Variants in PCDH15 observed in about 807,000 individuals in gnomAD.
The protein encoded by PCDH15 is protocadherin related 15.
A neutral mutation model predicts 178.5 loss-of-function variants in PCDH15; 129 were observed. That is an observed-to-expected ratio of 0.72 (90% CI 0.63 to 0.84). The LOEUF (loss-of-function observed/expected upper bound fraction) is 0.84, where lower values mean the gene tolerates loss of function less well. Ranked by LOEUF, PCDH15 falls within the 40% of genes least tolerant of loss-of-function variation. The probability of loss-of-function intolerance (pLI) is 0.00; values close to 1 mark genes in which losing one functional copy is unlikely to be tolerated. For missense variants in PCDH15, 2,230 were observed against 2,099.9 expected, an observed-to-expected ratio of 1.06 and a Z score of -1.21; for synonymous variants, 800 against 732.0, an observed-to-expected ratio of 1.09 and a Z score of -1.50.
intron 1 of PCDH15, among the ~76,000 whole-genome samples, chr10:55,235,046 A>C (rs970163605): frequency 6.6e-5 from 10 of 151,934 alleles, no homozygotes; most frequent in Non-Finnish European, 1.5e-4. Context: ...TACCACCTCA[A>C]TATAAAAGTC....
intron 21 of PCDH15, among the ~76,000 whole-genome samples, chr10:53,983,232 T>TTGTG (rs753844738): frequency 3.4e-5 from 5 of 149,156 alleles, no homozygotes; most frequent in African/African-American, 4.9e-5. Context: ...GTGTGTGTGT[T>TTGTG]TGTGTGTGTG....
intron 1 of PCDH15, among the ~76,000 whole-genome samples, chr10:55,210,582 ATTTGGC>A (rs1218302551): frequency 9.0e-6 from 1 of 110,636 alleles, no homozygotes; most frequent in Non-Finnish European, 1.9e-5. Context: ...AGCTAATTGA[ATTTGGC>A]TCTCACGATT....
At position 53,806,350 on chromosome 10, in the gene PCDH15, C is replaced by T. The variant is rs974421099; in HGVS notation, c.*229G>A. 61 of 440,944 alleles carry T rather than the reference C, an allele frequency of 1.4e-4. No homozygotes were observed. The highest frequency in any genetic ancestry group is 6.2e-4 in the Middle Eastern group (1 of 1,620). 27.3% of individuals were successfully genotyped at this position (440,944 alleles called of 1,614,324 possible). Reference sequence around the variant, plus strand: ...CCAACAAAACAGCTAAATGTTTAAACGATAGGTTATTTAGTGAAAGTATGT... The same window carrying T: ...CCAACAAAACAGCTAAATGTTTAAATGATAGGTTATTTAGTGAAAGTATGT... On this transcript the variant is annotated 3_prime_UTR_variant, in exon 38 of 38. Transcript: ENST00000644397.
chr10:55,245,099 CA>C (rs1383153556), intron 1 of PCDH15, among the ~76,000 whole-genome samples: 2 of 151,954 alleles, frequency 1.3e-5, no homozygotes, highest in Non-Finnish European at 2.9e-5. Context: ...GTTTAAAACA[CA>C]AAGCTGGTAG....
At chr10:55,498,803 G>A (rs997320346) in intron 2 of PCDH15, among the ~76,000 whole-genome samples, 2 of 151,796 alleles carry the variant, frequency 1.3e-5, no homozygotes, top group African/African-American at 4.8e-5. Flanking sequence ...GGCCTCATGA[G>A]TTTGGATAGG....
intron 2 of PCDH15, among the ~76,000 whole-genome samples, chr10:55,000,071 A>C (rs1234489113): frequency 1.3e-5 from 2 of 152,182 alleles, no homozygotes; most frequent in African/African-American, 4.8e-5. Flanking sequence ...AGTTTCGGGC[A>C]TGCATTGTCA....
At chr10:54,946,693 C>G (rs941718188) in intron 2 of PCDH15, among the ~76,000 whole-genome samples, 2 of 151,698 alleles carry the variant, frequency 1.3e-5, no homozygotes, top group African/African-American at 4.8e-5. Context: ...TGCAATGTAC[C>G]TTTAAATCAT....
intron 1 of PCDH15, among the ~76,000 whole-genome samples, chr10:54,710,757 T>C (rs531277291): frequency 5.3e-4 from 81 of 152,058 alleles, no homozygotes; most frequent in African/African-American, 1.8e-3. Flanking sequence ...ATACATAGAG[T>C]GAAAAGTTGT....
At chr10:55,486,857 C>A (rs1589073353) in intron 2 of PCDH15, among the ~76,000 whole-genome samples, 1 of 151,574 alleles carries the variant, frequency 6.6e-6, no homozygotes, top group South Asian at 2.1e-4. Flanking sequence ...GAGGCCTCTT[C>A]TCACTGCTCA....
At chr10:54,791,136 G>A (rs1951369174) in intron 1 of PCDH15, among the ~76,000 whole-genome samples, 2 of 151,646 alleles carry the variant, frequency 1.3e-5, no homozygotes, top group Admixed American at 1.3e-4. Flanking sequence ...CTGTCTTTTT[G>A]GAATCATTAA....
chr10:54,719,142 T>C (rs1305072292), intron 1 of PCDH15, among the ~76,000 whole-genome samples: 2 of 74,500 alleles, frequency 2.7e-5, no homozygotes, highest in African/African-American at 7.7e-5. Flanking sequence ...CAATTCAGAA[T>C]ATTAAAAAAG....
intron 1 of PCDH15, among the ~76,000 whole-genome samples, chr10:55,286,893 C>CTTACT (rs1189737798): frequency 1.3e-5 from 2 of 151,890 alleles, no homozygotes; most frequent in Non-Finnish European, 2.9e-5. Context: ...AGTTAATGGA[C>CTTACT]TTACTATTTT....
intron 2 of PCDH15, among the ~76,000 whole-genome samples, chr10:55,127,295 T>C (rs187209138): frequency 2.6e-5 from 4 of 152,204 alleles, no homozygotes; most frequent in African/African-American, 9.6e-5. Flanking sequence ...TATCATTTTA[T>C]ACCTTAAATA....
chr10:54,177,432 T>C (rs1257382109), intron 13 of PCDH15, among the ~76,000 whole-genome samples: 2 of 152,080 alleles, frequency 1.3e-5, no homozygotes, highest in East Asian at 3.9e-4. Context: ...CTTTGGATGA[T>C]AACAATGTGC....
At chr10:54,238,186 A>C (rs1591355021) in intron 8 of PCDH15, among the ~76,000 whole-genome samples, 2 of 152,268 alleles carry the variant, frequency 1.3e-5, no homozygotes, top group East Asian at 3.9e-4. Context: ...ACAACCTTAC[A>C]TTCTAAAAAA....
chr10:55,128,475 G>T (rs2132074891), intron 2 of PCDH15, among the ~76,000 whole-genome samples: 1 of 152,094 alleles, frequency 6.6e-6, no homozygotes, highest in East Asian at 1.9e-4. Flanking sequence ...ATGTAGCTTA[G>T]ACTTTAATTT....
chr10:55,479,240 C>A (rs879264705), intron 2 of PCDH15, among the ~76,000 whole-genome samples: 1 of 151,408 alleles, frequency 6.6e-6, no homozygotes, highest in Admixed American at 6.6e-5. Flanking sequence ...TAAAATTCCT[C>A]AACAAAATCC....
At chr10:54,110,877 A>T (rs966722259) in intron 15 of PCDH15, among the ~76,000 whole-genome samples, 1 of 152,146 alleles carries the variant, frequency 6.6e-6, no homozygotes, top group African/African-American at 2.4e-5. Flanking sequence ...ATATAATTGA[A>T]TTTTTCAGTT....
chr10:55,090,895 A>G (rs1842300663), intron 2 of PCDH15, among the ~76,000 whole-genome samples: 1 of 136,356 alleles, frequency 7.3e-6, no homozygotes, highest in South Asian at 2.4e-4. Flanking sequence ...ATTTTAACTA[A>G]TTAAAATGTA....
Sources: allele counts gnomAD v4.1 joint callset (sites outside exome capture counted in the v4.1 genomes callset), GRCh38; gene constraint gnomAD v4.1.1; transcripts MANE v1.5; gene names NCBI Gene and HGNC (gene_info 2026-07-23, HGNC 2026-07-21).